Variants in GRID2 observed in about 807,000 individuals in gnomAD.
The protein encoded by GRID2 is glutamate receptor ionotropic, delta-2.
In GRID2, 33 loss-of-function variants were observed where a neutral mutation model predicts 114.8. That is an observed-to-expected ratio of 0.29 (90% CI 0.22 to 0.38). The LOEUF (loss-of-function observed/expected upper bound fraction) is 0.38. Ranked by LOEUF, GRID2 falls within the 10% of genes least tolerant of loss-of-function variation. The pLI, the probability that GRID2 is intolerant of heterozygous loss-of-function variation, is 1.00. For synonymous variants in GRID2, 505 were observed against 449.9 expected (o/e 1.12, Z -1.55); for missense variants, 1,184 against 1,257.7 (o/e 0.94, Z 0.89).
At chr4:92,826,661 A>T (rs967031173) in intron 2 of GRID2, among the ~76,000 whole-genome samples, 6 of 152,132 alleles carry the variant, frequency 3.9e-5, no homozygotes, top group Non-Finnish European at 5.9e-5. Context: ...CTTGCATTAC[A>T]TTATTCTAGC....
rs145110794 is a variant in GRID2, at chr4:93,242,448, C to T, written c.1245+3958C>T. On this transcript the variant is annotated intron_variant, in intron 8 of 15. Coordinates refer to ENST00000282020, the MANE Select transcript of GRID2 (RefSeq NM_001510.4). ...AATTAATGTAGGCTTGAAGCTTCAT[C>T]GGGTTATTTTTGTTTTGTATTGTGT... is the stretch of plus-strand genomic sequence containing the variant. 1.8e-4 allele frequency among the ~76,000 whole-genome samples: 27 copies of T among 152,046 alleles called. No homozygotes were observed. The East Asian group carries it at 4.1e-3, about 23-fold the overall frequency.
rs192618744 is a variant in GRID2 at position 93,142,253 on chromosome 4, C to T, written c.735+31300C>T. ...AAACCTACTTCTCTTTTAATTTTCCCTATTGTTTCATTGAGAGATGTATTA... is the reference window on the plus strand; with the variant it reads ...AAACCTACTTCTCTTTTAATTTTCCTTATTGTTTCATTGAGAGATGTATTA... On this transcript the variant is annotated intron_variant, in intron 4 of 15. Transcript: ENST00000282020. 4.6e-5 allele frequency among the ~76,000 whole-genome samples: 7 copies of T among 152,224 alleles called. No homozygotes were observed. In the East Asian group the frequency reaches 1.4e-3, roughly 29 times the overall value.
At chr4:92,448,875 C>T (rs1720735091) in intron 1 of GRID2, among the ~76,000 whole-genome samples, 2 of 152,156 alleles carry the variant, frequency 1.3e-5, no homozygotes, top group East Asian at 3.9e-4. Context: ...TCTCATTATT[C>T]CTCACAATCA....
chr4:92,425,730 G>A (rs1732128568), intron 1 of GRID2, among the ~76,000 whole-genome samples: 1 of 151,932 alleles, frequency 6.6e-6, no homozygotes, highest in African/African-American at 2.4e-5. Flanking sequence ...TTAAATTCTG[G>A]CACCATTATG....
intron 9 of GRID2, among the ~76,000 whole-genome samples, chr4:93,407,786 C>T (rs138396899): frequency 0.14 from 11,662 of 85,102 alleles, 765 homozygotes; most frequent in Non-Finnish European, 0.17. Context: ...TCATCCTCCT[C>T]GTCCTCCTCC....
intron 14 of GRID2, among the ~76,000 whole-genome samples, chr4:93,650,795 TA>T (rs1009093774): frequency 6.6e-6 from 1 of 151,980 alleles, no homozygotes; most frequent in Non-Finnish European, 1.5e-5. Context: ...AGAAAAGCTT[TA>T]AAAAAATTCT....
At chr4:93,497,798 A>AT (rs1283449419) in intron 12 of GRID2, among the ~76,000 whole-genome samples, 1 of 151,804 alleles carries the variant, frequency 6.6e-6, no homozygotes, top group African/African-American at 2.4e-5. Context: ...TTTCAGAATC[A>AT]TTTTAGCTAT....
chr4:92,715,105 T>C (rs772164571), intron 2 of GRID2, among the ~76,000 whole-genome samples: 1 of 152,186 alleles, frequency 6.6e-6, no homozygotes, highest in Non-Finnish European at 1.5e-5. Flanking sequence ...GTCGCCTCTT[T>C]TGCTGTGCTG....
At chr4:93,689,721 T>A (rs558758059) in intron 14 of GRID2, among the ~76,000 whole-genome samples, 2 of 152,248 alleles carry the variant, frequency 1.3e-5, no homozygotes, top group South Asian at 4.1e-4. Context: ...TTGGCATCAT[T>A]ACATTATGTC....
At chr4:92,480,899 C>T (rs1722555770) in intron 1 of GRID2, among the ~76,000 whole-genome samples, 1 of 152,128 alleles carries the variant, frequency 6.6e-6, no homozygotes, top group Non-Finnish European at 1.5e-5. Context: ...TGCTCCCCTT[C>T]TACTTCATTG....
intron 1 of GRID2, among the ~76,000 whole-genome samples, chr4:92,488,498 C>T (rs1330734137): frequency 1.3e-5 from 2 of 152,114 alleles, no homozygotes; most frequent in African/African-American, 4.8e-5. Context: ...CATTGGGAAG[C>T]TTGCACTACT....
chr4:92,568,788 C>A (rs925070609), intron 1 of GRID2, among the ~76,000 whole-genome samples: 1 of 151,864 alleles, frequency 6.6e-6, no homozygotes, highest in Non-Finnish European at 1.5e-5. Flanking sequence ...GTGTTCTCAT[C>A]ATTTAGCTCC....
intron 2 of GRID2, among the ~76,000 whole-genome samples, chr4:92,818,329 A>G (rs981207735): frequency 3.3e-5 from 5 of 152,144 alleles, no homozygotes; most frequent in African/African-American, 1.2e-4. Context: ...CTTCACCCAT[A>G]CAAGAGAGAC....
chr4:93,123,753 C>A (rs1734005940), intron 4 of GRID2, among the ~76,000 whole-genome samples: 1 of 152,176 alleles, frequency 6.6e-6, no homozygotes, highest in Admixed American at 6.5e-5. Flanking sequence ...TTATTCATAT[C>A]AAAACTTTAT....
intron 2 of GRID2, among the ~76,000 whole-genome samples, chr4:92,625,110 G>C (rs1358724817): frequency 6.6e-6 from 1 of 151,640 alleles, no homozygotes; most frequent in Non-Finnish European, 1.5e-5. Context: ...TCATTTAGGA[G>C]AGAAATATTC....
At chr4:92,635,213 C>G (rs1731009545) in intron 2 of GRID2, among the ~76,000 whole-genome samples, 1 of 152,064 alleles carries the variant, frequency 6.6e-6, no homozygotes, top group African/African-American at 2.4e-5. Flanking sequence ...TAAGCAGGAC[C>G]TTTGAGCAAG....
chr4:92,950,572 C>G (rs1470951875), intron 2 of GRID2, among the ~76,000 whole-genome samples: 3 of 152,152 alleles, frequency 2.0e-5, no homozygotes, highest in African/African-American at 7.2e-5. Context: ...TCTCCTACTT[C>G]AGTCCCAGAA....
intron 1 of GRID2, among the ~76,000 whole-genome samples, chr4:92,355,960 A>T (rs1728297527): frequency 6.6e-6 from 1 of 151,812 alleles, no homozygotes; most frequent in Non-Finnish European, 1.5e-5. Flanking sequence ...GAAGGAGAAA[A>T]AAACACTGGT....
intron 1 of GRID2, among the ~76,000 whole-genome samples, chr4:92,504,440 C>A (rs1253324245): frequency 6.6e-6 from 1 of 151,956 alleles, no homozygotes; most frequent in Non-Finnish European, 1.5e-5. Context: ...ATGATCAAAT[C>A]TACAGACTCT....
Sources: gnomAD v4.1 joint callset for allele counts (sites outside exome capture counted in the v4.1 genomes callset) on GRCh38, gnomAD v4.1.1 for gene constraint, MANE v1.5 for transcripts, NCBI Gene and HGNC (gene_info 2026-07-23, HGNC 2026-07-21) for gene names.